The following TTC28 variants were observed in gnomAD, a reference collection of about 807,000 sequenced individuals.
The protein encoded by TTC28 is tetratricopeptide repeat protein 28.
In TTC28, 61 loss-of-function variants were observed where a neutral mutation model predicts 198.0. The ratio of observed to expected loss-of-function variants is 0.31; its 90% CI spans 0.25 to 0.38. The LOEUF (loss-of-function observed/expected upper bound fraction) is 0.38, where lower values mean the gene tolerates loss of function less well. Ranked by LOEUF, TTC28 falls within the 10% of genes least tolerant of loss-of-function variation. The pLI, the probability that TTC28 is intolerant of heterozygous loss-of-function variation, is 1.00. For synonymous variants in TTC28, 1,171 were observed against 1,297.8 expected, an observed-to-expected ratio of 0.90 and a Z score of 2.10; for missense variants, 2,678 against 3,164.0, an observed-to-expected ratio of 0.85 and a Z score of 3.69.
At chr22:28,605,002 A>G (rs1037086260) in intron 2 of TTC28, among the ~76,000 whole-genome samples, 1 of 152,228 alleles carries the variant, frequency 6.6e-6, no homozygotes, top group African/African-American at 2.4e-5. Context: ...ATTACTTAAC[A>G]TATGTTTATA....
chr22:28,613,022 C>CA (rs758686269), intron 2 of TTC28, among the ~76,000 whole-genome samples: 18 of 152,066 alleles, frequency 1.2e-4, no homozygotes, highest in East Asian at 9.7e-4. Flanking sequence ...AAAAACCCTT[C>CA]AAAAAATCAA....
intron 2 of TTC28, among the ~76,000 whole-genome samples, chr22:28,497,788 G>C (rs923483912): frequency 2.0e-5 from 3 of 152,078 alleles, no homozygotes; most frequent in Non-Finnish European, 4.4e-5. Flanking sequence ...AATTCAAATA[G>C]AACAAGCTAC....
chr22:28,654,603 C>T (rs2051615051), intron 1 of TTC28, among the ~76,000 whole-genome samples: 1 of 152,202 alleles, frequency 6.6e-6, no homozygotes, highest in Non-Finnish European at 1.5e-5. Context: ...GCTGGGATTA[C>T]AGGCGTGAGC....
intron 13 of TTC28, among the ~76,000 whole-genome samples, chr22:28,022,266 C>G (rs1938641135): frequency 6.6e-6 from 1 of 152,214 alleles, no homozygotes; most frequent in South Asian, 2.1e-4. Context: ...CAGGGGCCAT[C>G]TGTGAAGACC....
intron 2 of TTC28, among the ~76,000 whole-genome samples, chr22:28,601,240 A>G (rs1473515866): frequency 6.6e-6 from 1 of 152,180 alleles, no homozygotes; most frequent in African/African-American, 2.4e-5. Flanking sequence ...TATTCTATTA[A>G]TAATATTCCA....
intron 2 of TTC28, among the ~76,000 whole-genome samples, chr22:28,352,291 C>T (rs2046008245): frequency 2.2e-5 from 3 of 133,668 alleles, no homozygotes. Flanking sequence ...ATTCTAAGAA[C>T]CTATTAGACA....
intron 12 of TTC28, among the ~76,000 whole-genome samples, chr22:28,083,301 G>A (rs1407318233): frequency 6.6e-6 from 1 of 152,096 alleles, no homozygotes; most frequent in Non-Finnish European, 1.5e-5. Context: ...TACATTTAGA[G>A]AGCAAAGAAG....
At position 28,399,317 on chromosome 22, in the gene TTC28, GTT is replaced by G. The variant is rs695621; in HGVS notation, c.382-92676_382-92675del. ...GTTTGTATAAGTTGAGACTAAAACT[GTT>G]TTTTTTTTTTTTTTTTTGAGACAGG... On this transcript the variant is annotated intron_variant, in intron 2 of 22. Transcript: ENST00000397906. 4.5e-4 allele frequency among the ~76,000 whole-genome samples: 55 copies of G among 121,944 alleles called. 7 individuals carry two copies. Among genetic ancestry groups the G allele is most frequent in the Middle Eastern group, 9.2e-3 (2 of 218 alleles). 80.0% of individuals were successfully genotyped at this position (121,944 alleles called of 152,430 possible).
intron 2 of TTC28, among the ~76,000 whole-genome samples, chr22:28,622,924 C>T (rs1416106550): frequency 2.6e-5 from 4 of 151,932 alleles, no homozygotes; most frequent in Admixed American, 1.3e-4. Flanking sequence ...CGGGTTCAAG[C>T]GATTCTCCTG....
At chr22:28,163,703 C>A in intron 5 of TTC28, 104 bp from the exon 6 acceptor site, 1 of 1,254,724 alleles carries the variant, frequency 8.0e-7, no homozygotes, top group Non-Finnish European at 1.1e-6. Flanking sequence ...CGAATAGGAA[C>A]AGCTCTAGTC....
intron 2 of TTC28, among the ~76,000 whole-genome samples, chr22:28,579,115 TATACATAC>T (rs1240811714): frequency 6.6e-6 from 1 of 151,414 alleles, no homozygotes; most frequent in Non-Finnish European, 1.5e-5. Context: ...TGTATATAGC[TATACATAC>T]ATACATATAG....
chr22:28,376,086 T>C (rs1432804489), intron 2 of TTC28, among the ~76,000 whole-genome samples: 1 of 152,174 alleles, frequency 6.6e-6, no homozygotes, highest in Non-Finnish European at 1.5e-5. Context: ...TTGGCCCCCA[T>C]AATCTCATGA....
At chr22:28,107,034 AACC>A (rs1942327419) in intron 7 of TTC28, 25 bp downstream of exon 7, 4 of 1,524,716 alleles carry the variant, frequency 2.6e-6, no homozygotes, top group Non-Finnish European at 3.5e-6. Context: ...CAGAACTATA[AACC>A]ACAATTGTCC....
intron 6 of TTC28, among the ~76,000 whole-genome samples, chr22:28,152,007 C>A (rs991926469): frequency 2.0e-5 from 3 of 152,026 alleles, no homozygotes; most frequent in African/African-American, 7.2e-5. Context: ...AGAGGGGGCC[C>A]GCAGGCTGTA....
chr22:28,470,729 T>C (rs1252059419), intron 2 of TTC28, among the ~76,000 whole-genome samples: 1 of 152,132 alleles, frequency 6.6e-6, no homozygotes, highest in Non-Finnish European at 1.5e-5. Context: ...AGTACGTTTG[T>C]AAGAAGGAAG....
At chr22:28,442,144 G>T (rs2047632454) in intron 2 of TTC28, among the ~76,000 whole-genome samples, 1 of 151,842 alleles carries the variant, frequency 6.6e-6, no homozygotes. Context: ...TCTCAACAAA[G>T]GAGCCATATT....
intron 1 of TTC28, 47 bp from the exon 2 acceptor site, chr22:28,629,877 G>A: frequency 1.3e-6 from 2 of 1,486,466 alleles, no homozygotes; most frequent in South Asian, 1.3e-5. Flanking sequence ...TAATCCAGAT[G>A]GGTTCCCCAT....
intron 2 of TTC28, among the ~76,000 whole-genome samples, chr22:28,579,872 A>T (rs542343340): frequency 6.6e-6 from 1 of 152,198 alleles, no homozygotes; most frequent in Admixed American, 6.5e-5. Context: ...CAGGAAGCTG[A>T]GATGGAAGAA....
intron 2 of TTC28, among the ~76,000 whole-genome samples, chr22:28,307,702 T>C (rs2045173136): frequency 6.6e-6 from 1 of 152,186 alleles, no homozygotes; most frequent in African/African-American, 2.4e-5. Context: ...AATTAACATA[T>C]TCATTGCTTA....
Sources: gnomAD v4.1 joint callset for allele counts (sites outside exome capture counted in the v4.1 genomes callset) on GRCh38, gnomAD v4.1.1 for gene constraint, MANE v1.5 for transcripts, NCBI Gene and HGNC (gene_info 2026-07-23, HGNC 2026-07-21) for gene names.